Variants in ACVR1 observed in about 807,000 individuals in gnomAD.
ACVR1 encodes the protein activin A receptor type 1, also known as activin receptor type-1.
Under a neutral mutation model 57.1 loss-of-function variants are expected in ACVR1, and 38 were observed. That is an observed-to-expected ratio of 0.67 (90% CI 0.51 to 0.87). The LOEUF is 0.87. Ranked by LOEUF, ACVR1 falls within the 40% of genes least tolerant of loss-of-function variation. ACVR1 has a pLI of 0.00. For missense variants in ACVR1, 463 were observed against 638.2 expected (o/e 0.73, Z 2.96); for synonymous variants, 212 against 228.1 (o/e 0.93, Z 0.63).
chr2:157,804,097 A>G (rs1417371663), intron 2 of ACVR1, among the ~76,000 whole-genome samples: 2 of 152,180 alleles, frequency 1.3e-5, no homozygotes, highest in Non-Finnish European at 2.9e-5. Flanking sequence ...CCAGTATCAC[A>G]CATATCATTG....
chr2:157,876,241 G>T lies in ACVR1; in HGVS notation c.-628C>A, dbSNP rs1049521091. 3.3e-5 allele frequency among the ~76,000 whole-genome samples: 5 copies of T among 149,294 alleles called. No homozygotes were observed. The highest frequency in any genetic ancestry group is 7.5e-5 in the Non-Finnish European group (5 of 66,818). Reference sequence around the variant, plus strand: ...GGGCGGACCAGCTGGGCTTGCCCCCGGGGGCGGCGGGGGAGACCGTCACAG... The same window carrying T: ...GGGCGGACCAGCTGGGCTTGCCCCCTGGGGCGGCGGGGGAGACCGTCACAG... On this transcript the variant is annotated 5_prime_UTR_variant, in exon 1 of 11. Transcript: ENST00000434821.
intron 1 of ACVR1, chr2:157,874,892 C>G (rs1218302273): frequency 6.6e-6 from 1 of 151,976 alleles, no homozygotes; most frequent in African/African-American, 2.4e-5. Flanking sequence ...AAGCCAAATT[C>G]ATGACAACTT....
chr2:157,859,112 C>T (rs1381147927), intron 1 of ACVR1, among the ~76,000 whole-genome samples: 1 of 152,158 alleles, frequency 6.6e-6, no homozygotes, highest in Non-Finnish European at 1.5e-5. Context: ...GGGCTGCATT[C>T]CGAGACAGTT....
At chr2:157,862,384 T>A (rs917419032) in intron 1 of ACVR1, among the ~76,000 whole-genome samples, 6 of 150,796 alleles carry the variant, frequency 4.0e-5, no homozygotes, top group African/African-American at 1.5e-4. Flanking sequence ...CTCCTATGCA[T>A]AAGACAGCAT....
At chr2:157,749,160 C>G (rs1685082834) in intron 9 of ACVR1, among the ~76,000 whole-genome samples, 1 of 152,152 alleles carries the variant, frequency 6.6e-6, no homozygotes, top group Non-Finnish European at 1.5e-5. Flanking sequence ...ATAAAAACCA[C>G]TTTGTGGGTA....
chr2:157,746,236 T>C (rs1269254279), intron 9 of ACVR1, among the ~76,000 whole-genome samples: 1 of 152,192 alleles, frequency 6.6e-6, no homozygotes, highest in East Asian at 1.9e-4. Context: ...AAGGAAACCA[T>C]ACCAAAGCAC....
intron 2 of ACVR1, among the ~76,000 whole-genome samples, chr2:157,804,490 G>A (rs1256195339): frequency 6.6e-6 from 1 of 152,156 alleles, no homozygotes; most frequent in Non-Finnish European, 1.5e-5. Context: ...AAATCCTTGT[G>A]CAAGGCTGTA....
intron 1 of ACVR1, among the ~76,000 whole-genome samples, chr2:157,849,933 C>CT (rs1315427312): frequency 1.3e-5 from 2 of 152,176 alleles, no homozygotes; most frequent in Non-Finnish European, 1.5e-5. Context: ...TTGACTGTGG[C>CT]TAGTAGCTAC....
chr2:157,758,848 A>G (rs1437400817), intron 9 of ACVR1, among the ~76,000 whole-genome samples: 2 of 152,084 alleles, frequency 1.3e-5, no homozygotes, highest in South Asian at 2.1e-4. Flanking sequence ...GAAACTCTGG[A>G]AACTGTACAA....
Position 157,760,941 on chromosome 2 carries a change from C to G in ACVR1, c.1203G>C (p.Arg401Ser). 1.2e-6 allele frequency: 2 copies of G among 1,614,134 alleles called. No individual in the cohort carries two copies. Among genetic ancestry groups the G allele is most frequent in the East Asian group, 2.2e-5 (1 of 44,872 alleles). The change falls in exon 9 of 11, where the codon AGG becomes AGC. Residue 401 changes from arginine to serine, a missense_variant. Coordinates refer to ENST00000434821, the MANE Select transcript of ACVR1 (RefSeq NM_001111067.4). ...CAAGTCCAAAGGCCCAAATATCGACCCTTTTATAAGAATCGAAACAATCCA... is the reference window on the plus strand; with the variant it reads ...CAAGTCCAAAGGCCCAAATATCGACGCTTTTATAAGAATCGAAACAATCCA... Reference protein sequence around the residue: ...IQVDCFDSYKRVDIWAFGLVL... With the variant: ...IQVDCFDSYKSVDIWAFGLVL...
chr2:157,869,289 G>A (rs1266071880), intron 1 of ACVR1, among the ~76,000 whole-genome samples: 1 of 152,124 alleles, frequency 6.6e-6, no homozygotes, highest in Non-Finnish European at 1.5e-5. Context: ...CAAGGGAGAG[G>A]GGCATAGGGG....
chr2:157,754,762 A>C (rs1054660768), intron 9 of ACVR1, among the ~76,000 whole-genome samples: 1 of 152,196 alleles, frequency 6.6e-6, no homozygotes, highest in Non-Finnish European at 1.5e-5. Context: ...CATTCTATAA[A>C]GCCAGTATCA....
Position 157,738,540 on chromosome 2 carries a change from T to C in ACVR1, c.1295A>G (p.Tyr432Cys), listed in dbSNP as rs769079595. ...GIVEDYKPPF[Y>C]DVVPNDPSFE... ...ACTTGGGTCATTGGGAACCACATCG[T>C]AGAACGGTGGCTTGTAATCCTCCAC... The change falls in exon 10 of 11, where the codon TAC becomes TGC. Residue 432 changes from tyrosine to cysteine, a missense_variant. Tyr to Cys is a radical substitution (Grantham distance 194, BLOSUM62 -2). Transcript: ENST00000434821. 1.2e-6 allele frequency: 2 copies of C among 1,613,966 alleles called. No homozygotes were observed. Among genetic ancestry groups the C allele is most frequent in the Admixed American group, 3.3e-5 (2 of 59,990 alleles).
At chr2:157,774,874 G>A (rs749159783) in intron 5 of ACVR1, among the ~76,000 whole-genome samples, 1 of 146,908 alleles carries the variant, frequency 6.8e-6, no homozygotes, top group Non-Finnish European at 1.5e-5. Context: ...GAGAATAGCA[G>A]GTGGAACAGA....
At chr2:157,776,193 G>A (rs1686281266) in intron 5 of ACVR1, among the ~76,000 whole-genome samples, 1 of 152,216 alleles carries the variant, frequency 6.6e-6, no homozygotes, top group Non-Finnish European at 1.5e-5. Flanking sequence ...ACATGACATG[G>A]TTGAGTTTAA....
At chr2:157,806,544 G>A (rs371000397) in intron 2 of ACVR1, among the ~76,000 whole-genome samples, 3 of 152,268 alleles carry the variant, frequency 2.0e-5, no homozygotes, top group African/African-American at 4.8e-5. Flanking sequence ...CAACCACCAC[G>A]AAGAGGGGCC....
At chr2:157,843,799 C>G (rs1689047641) in intron 1 of ACVR1, among the ~76,000 whole-genome samples, 1 of 152,054 alleles carries the variant, frequency 6.6e-6, no homozygotes, top group Admixed American at 6.6e-5. Context: ...TAGTAAAACT[C>G]TAAATGAAGA....
At position 157,778,356 on chromosome 2, in the gene ACVR1, G is replaced by A. The variant is rs1260477597; in HGVS notation, c.332-14C>T. 2 of 1,602,348 alleles carry A rather than the reference G, an allele frequency of 1.2e-6. No individual in the cohort carries two copies. Among genetic ancestry groups the A allele is most frequent in the East Asian group, 2.2e-5 (1 of 44,790 alleles). ...GGAAGGATTTTCCTGGAGTTGGAGGGAAAAGGGGGAATTAGTTGTAAGGAT... is the reference window on the plus strand; with the variant it reads ...GGAAGGATTTTCCTGGAGTTGGAGGAAAAAGGGGGAATTAGTTGTAAGGAT... On this transcript the variant is annotated splice_polypyrimidine_tract_variant and intron_variant, in intron 4 of 10. Transcript: ENST00000434821.
chr2:157,743,489 A>T (rs1192354103), intron 9 of ACVR1, among the ~76,000 whole-genome samples: 2 of 152,024 alleles, frequency 1.3e-5, no homozygotes, highest in Non-Finnish European at 2.9e-5. Flanking sequence ...TGTATTACAG[A>T]CACTAGATAC....
Sources: gnomAD v4.1 joint callset for allele counts (sites outside exome capture counted in the v4.1 genomes callset) on GRCh38, gnomAD v4.1.1 for gene constraint, MANE v1.5 for transcripts, NCBI Gene and HGNC (gene_info 2026-07-23, HGNC 2026-07-21) for gene names.